The following PKP4 variants were observed in gnomAD, a reference collection of about 807,000 sequenced individuals.
PKP4 encodes the protein plakophilin-4.
Under a neutral mutation model 145.1 loss-of-function variants are expected in PKP4, and 90 were observed. The ratio of observed to expected loss-of-function variants is 0.62; its 90% CI spans 0.52 to 0.74. The LOEUF (loss-of-function observed/expected upper bound fraction) is 0.74, where lower values mean the gene tolerates loss of function less well. Ranked by LOEUF, PKP4 falls within the 30% of genes least tolerant of loss-of-function variation. The pLI, the probability that PKP4 is intolerant of heterozygous loss-of-function variation, is 0.00. For synonymous variants in PKP4, 563 were observed against 577.2 expected, an observed-to-expected ratio of 0.98 and a Z score of 0.35; for missense variants, 1,340 against 1,482.7, an observed-to-expected ratio of 0.90 and a Z score of 1.58.
At chr2:158,513,123 C>T (rs2041654017) in intron 1 of PKP4, among the ~76,000 whole-genome samples, 2 of 152,186 alleles carry the variant, frequency 1.3e-5, no homozygotes, top group African/African-American at 4.8e-5. Flanking sequence ...ACAGCAATCA[C>T]ATGTGATAAG....
Position 158,501,735 on chromosome 2 carries a change from GATT to G in PKP4, c.-5-31438_-5-31436del, listed in dbSNP as rs550865842. On this transcript the variant is annotated intron_variant, in intron 1 of 21. Transcript: ENST00000389759. ...TTTCACAGATCTGTGAAAGGTGCAT[GATT>G]ATTATTTCAGTCTCTATTGTGTGCC... is the stretch of plus-strand genomic sequence containing the variant. 3.7e-3 allele frequency among the ~76,000 whole-genome samples: 561 copies of G among 152,358 alleles called. 1 individual carries two copies. The highest frequency in any genetic ancestry group is 6.2e-3 in the Non-Finnish European group (421 of 68,032).
chr2:158,514,144 A>G (rs887135072), intron 1 of PKP4, among the ~76,000 whole-genome samples: 2 of 152,202 alleles, frequency 1.3e-5, no homozygotes, highest in African/African-American at 4.8e-5. Flanking sequence ...ATATGTTGTC[A>G]TATCTTCCCT....
chr2:158,516,096 T>C (rs2041921059), intron 1 of PKP4, among the ~76,000 whole-genome samples: 1 of 151,078 alleles, frequency 6.6e-6, no homozygotes, highest in Non-Finnish European at 1.5e-5. Flanking sequence ...AATGTTGAGA[T>C]GTAGGGTTAG....
In PKP4 at chr2:158,640,570, T is replaced by C; in HGVS notation, c.1563-57T>C. 1.9e-6 allele frequency: 3 copies of C among 1,579,530 alleles called. No individual in the cohort carries two copies. In the South Asian group the frequency reaches 3.5e-5, roughly 18 times the overall value. ...TTTTTCCTTATACCAAGTGTTTTTT[T>C]CAGTGTATTTTTACAACATGGGCCT... On this transcript the variant is annotated intron_variant, in intron 9 of 21. Coordinates refer to ENST00000389759, the MANE Select transcript of PKP4 (RefSeq NM_003628.6).
intron 1 of PKP4, among the ~76,000 whole-genome samples, chr2:158,481,530 C>T (rs926313075): frequency 6.6e-6 from 1 of 152,178 alleles, no homozygotes; most frequent in Non-Finnish European, 1.5e-5. Flanking sequence ...GGTTCCACTC[C>T]TCCACATTCT....
At chr2:158,598,433 A>T (rs554235360) in intron 3 of PKP4, among the ~76,000 whole-genome samples, 1 of 152,298 alleles carries the variant, frequency 6.6e-6, no homozygotes, top group Admixed American at 6.5e-5. Flanking sequence ...AGGAACCAGG[A>T]GAAAATTGGG....
At chr2:158,487,183 C>A (rs1159904535) in intron 1 of PKP4, among the ~76,000 whole-genome samples, 1 of 151,948 alleles carries the variant, frequency 6.6e-6, no homozygotes, top group Non-Finnish European at 1.5e-5. Flanking sequence ...CAGCTTCGTG[C>A]GATAGTTAAA....
At chr2:158,459,343 A>T (rs920925847) in intron 1 of PKP4, among the ~76,000 whole-genome samples, 1 of 152,214 alleles carries the variant, frequency 6.6e-6, no homozygotes, top group Non-Finnish European at 1.5e-5. Context: ...TGGTTATTTT[A>T]TGTCAGATTC....
intron 1 of PKP4, among the ~76,000 whole-genome samples, chr2:158,497,406 T>C (rs1196009155): frequency 3.3e-5 from 5 of 152,206 alleles, no homozygotes; most frequent in Non-Finnish European, 7.3e-5. Context: ...TTTTTCTCTT[T>C]AGTTCACTTG....
intron 9 of PKP4, among the ~76,000 whole-genome samples, chr2:158,635,121 G>A (rs182416253): frequency 6.6e-6 from 1 of 152,106 alleles, no homozygotes; most frequent in African/African-American, 2.4e-5. Context: ...TGCTTCACTG[G>A]AAAATTGTTA....
intron 17 of PKP4, among the ~76,000 whole-genome samples, chr2:158,673,399 C>G (rs1429970052): frequency 6.6e-6 from 1 of 152,228 alleles, no homozygotes; most frequent in Non-Finnish European, 1.5e-5. Context: ...GGGACTGACA[C>G]CTACAGAGAT....
At chr2:158,529,400 A>T (rs184332514) in intron 1 of PKP4, among the ~76,000 whole-genome samples, 2 of 152,266 alleles carry the variant, frequency 1.3e-5, no homozygotes, top group Admixed American at 1.3e-4. Flanking sequence ...CATGTCTCCC[A>T]GTGAGCTTTG....
At chr2:158,504,613 T>A (rs1192058847) in intron 1 of PKP4, among the ~76,000 whole-genome samples, 1 of 152,136 alleles carries the variant, frequency 6.6e-6, no homozygotes, top group Non-Finnish European at 1.5e-5. Flanking sequence ...AACTTAAAAG[T>A]TCTTTGAGGG....
At chr2:158,520,250 T>G (rs1034523299) in intron 1 of PKP4, among the ~76,000 whole-genome samples, 1 of 152,308 alleles carries the variant, frequency 6.6e-6, no homozygotes. Flanking sequence ...CAGTGTTGAC[T>G]CTGGTGTTAT....
intron 2 of PKP4, among the ~76,000 whole-genome samples, chr2:158,535,167 T>G (rs144571691): frequency 1.1e-3 from 173 of 152,324 alleles, no homozygotes; most frequent in African/African-American, 3.9e-3. Flanking sequence ...AGGCAAAATA[T>G]AGTTGGAATA....
chr2:158,674,977 G>T (rs1292062149), intron 19 of PKP4, among the ~76,000 whole-genome samples: 1 of 152,120 alleles, frequency 6.6e-6, no homozygotes. Context: ...GTCTGTGCTT[G>T]TTGTGTATGG....
At chr2:158,565,072 G>A (rs1005340542) in intron 2 of PKP4, among the ~76,000 whole-genome samples, 3 of 152,092 alleles carry the variant, frequency 2.0e-5, no homozygotes, top group Admixed American at 6.5e-5. Context: ...TTACTAATTC[G>A]TGTGACCTTG....
In PKP4 at chr2:158,625,284, C is replaced by T; in HGVS notation, c.1010C>T (p.Ser337Phe). ...SPSQGQVGSS[S>F]PKRSGMTAVP... is the part of the protein sequence containing the mutation. ...TCCCAAGGCCAGGTGGGGTCGTCGT[C>T]CCCCAAACGCTCAGGGATGACCGCC... The change falls in exon 7 of 22, where the codon TCC becomes TTC. Residue 337 changes from serine to phenylalanine, a missense_variant. Transcript: ENST00000389759. The T allele has an allele frequency of 1.2e-6, 2 of 1,614,168 alleles. No individual in the cohort carries two copies. Among genetic ancestry groups the T allele is most frequent in the Non-Finnish European group, 1.7e-6 (2 of 1,180,012 alleles).
intron 3 of PKP4, among the ~76,000 whole-genome samples, chr2:158,594,589 A>G (rs1305454095): frequency 6.6e-6 from 1 of 152,184 alleles, no homozygotes; most frequent in Non-Finnish European, 1.5e-5. Context: ...GAAAGAAATC[A>G]GTCTCCATCC....
Sources: allele counts gnomAD v4.1 joint callset (sites outside exome capture counted in the v4.1 genomes callset), GRCh38; gene constraint gnomAD v4.1.1; transcripts MANE v1.5; gene names NCBI Gene and HGNC (gene_info 2026-07-23, HGNC 2026-07-21).